ERC2: variants seen among roughly 807,000 people sequenced by gnomAD.
ERC2 encodes the protein ELKS/RAB6-interacting/CAST family member 2.
A neutral mutation model predicts 114.8 loss-of-function variants in ERC2; 42 were observed. The ratio of observed to expected loss-of-function variants is 0.37; its 90% confidence interval spans 0.29 to 0.47. The LOEUF (loss-of-function observed/expected upper bound fraction) is 0.47, where lower values mean the gene tolerates loss of function less well. ERC2 is among the 20% of genes least tolerant of loss of function. ERC2 has a pLI of 0.99. For missense variants in ERC2, 939 were observed against 1,150.7 expected, an observed-to-expected ratio of 0.82 and a Z score of 2.66; for synonymous variants, 454 against 425.5, an observed-to-expected ratio of 1.07 and a Z score of -0.82.
intron 14 of ERC2, among the ~76,000 whole-genome samples, chr3:55,741,616 T>G: frequency 6.6e-6 from 1 of 152,182 alleles, no homozygotes; most frequent in South Asian, 2.1e-4. Flanking sequence ...AAAGTACATA[T>G]ATGCCCATTC....
At chr3:55,933,101 C>T (rs985225416) in intron 13 of ERC2, among the ~76,000 whole-genome samples, 1 of 151,612 alleles carries the variant, frequency 6.6e-6, no homozygotes, top group Non-Finnish European at 1.5e-5. Flanking sequence ...CCCACCTACT[C>T]GAGAGGCTGA....
At chr3:56,081,154 T>G (rs1164571136) in intron 6 of ERC2, among the ~76,000 whole-genome samples, 170 bp from the exon 7 acceptor site, 3 of 151,912 alleles carry the variant, frequency 2.0e-5, no homozygotes, top group African/African-American at 7.2e-5. Context: ...TACATCCTTC[T>G]TAAAGCCCTA....
Position 56,434,517 on chromosome 3 carries a change from A to AG in ERC2, c.490dup (p.Leu164ProfsTer20). The AG allele has an allele frequency of 6.2e-7, 1 of 1,613,936 alleles. No homozygotes were observed. Among genetic ancestry groups the AG allele is most frequent in the Non-Finnish European group, 8.5e-7 (1 of 1,179,878 alleles). ...GTCCTTGATGTCTAGCTCTTTCCGG[A>AG]GGAGGTCATTCTCTCTCTGCAGTTC... On this transcript the variant is annotated frameshift_variant, in exon 2 of 18. Coordinates refer to ENST00000288221, the MANE Select transcript of ERC2 (RefSeq NM_015576.3). LOFTEE classifies it high-confidence loss of function.
At position 56,249,487 on chromosome 3, in the gene ERC2, A is replaced by T. The variant is rs922484353; in HGVS notation, c.1074+46532T>A. Among the ~76,000 whole-genome samples the T allele has an allele frequency of 2.6e-5, 4 of 151,468 alleles. No homozygotes were observed. In the South Asian group the frequency reaches 8.4e-4, roughly 32 times the overall value. On this transcript the variant is annotated intron_variant, in intron 3 of 17. Coordinates refer to ENST00000288221, the MANE Select transcript of ERC2 (RefSeq NM_015576.3). ...ACTACAGGCGCCCGCCACCACGCCC[A>T]GCTAATTTTTTTGTATTTTTAGTAG...
At chr3:55,684,585 GA>G (rs1278451669) in intron 16 of ERC2, among the ~76,000 whole-genome samples, 1 of 152,162 alleles carries the variant, frequency 6.6e-6, no homozygotes, top group Non-Finnish European at 1.5e-5. Context: ...CTTGTAGAAA[GA>G]AAGTTTTGCT....
chr3:55,550,048 C>T (rs145410067), intron 17 of ERC2, among the ~76,000 whole-genome samples: 43 of 152,240 alleles, frequency 2.8e-4, no homozygotes, highest in African/African-American at 9.6e-4. Flanking sequence ...TACTCTTTGA[C>T]AGGACTTCCC....
At chr3:56,186,829 G>T (rs758369015) in intron 3 of ERC2, among the ~76,000 whole-genome samples, 1 of 152,146 alleles carries the variant, frequency 6.6e-6, no homozygotes, top group South Asian at 2.1e-4. Context: ...ATAAGCCACC[G>T]CACCCGGCCA....
At chr3:56,128,155 C>G (rs1361741011) in intron 6 of ERC2, among the ~76,000 whole-genome samples, 1 of 152,162 alleles carries the variant, frequency 6.6e-6, no homozygotes, top group Non-Finnish European at 1.5e-5. Flanking sequence ...CTCTCCTATT[C>G]ATTAGGTACT....
chr3:55,917,870 G>A (rs1265384040), intron 13 of ERC2, among the ~76,000 whole-genome samples: 4 of 152,092 alleles, frequency 2.6e-5, no homozygotes, highest in African/African-American at 7.2e-5. Flanking sequence ...GGAGCTAGAT[G>A]ATTAATTCTC....
chr3:56,234,406 T>G (rs1369268021), intron 3 of ERC2, among the ~76,000 whole-genome samples: 1 of 152,222 alleles, frequency 6.6e-6, no homozygotes, highest in African/African-American at 2.4e-5. Flanking sequence ...ATTGGAGAGC[T>G]GGGAATTTAA....
intron 2 of ERC2, among the ~76,000 whole-genome samples, chr3:56,300,639 T>C (rs1193133478): frequency 6.6e-6 from 1 of 152,258 alleles, no homozygotes; most frequent in Non-Finnish European, 1.5e-5. Flanking sequence ...ATGCCATGCA[T>C]GGTCCTAAGG....
chr3:56,218,568 A>G (rs1482151676), intron 3 of ERC2, among the ~76,000 whole-genome samples: 15 of 152,234 alleles, frequency 9.9e-5, no homozygotes, highest in African/African-American at 2.7e-4. Context: ...CAACCATTGT[A>G]GAAGTCAGAG....
chr3:55,926,838 C>T (rs1225039114), intron 13 of ERC2, among the ~76,000 whole-genome samples: 1 of 152,118 alleles, frequency 6.6e-6, no homozygotes, highest in Non-Finnish European at 1.5e-5. Context: ...AGATGGGGGT[C>T]ATGTAATCTT....
At chr3:55,799,165 T>C (rs181854715) in intron 14 of ERC2, among the ~76,000 whole-genome samples, 17 of 152,002 alleles carry the variant, frequency 1.1e-4, no homozygotes, top group African/African-American at 3.9e-4. Flanking sequence ...GCAACCACCA[T>C]GGCTCAATGT....
chr3:56,017,808 G>A (rs760689689), intron 8 of ERC2, among the ~76,000 whole-genome samples: 2 of 152,110 alleles, frequency 1.3e-5, no homozygotes, highest in African/African-American at 2.4e-5. Context: ...ATTAGAGCCA[G>A]GATTTTCACC....
chr3:55,653,745 AG>A (rs2060742823), intron 17 of ERC2, among the ~76,000 whole-genome samples: 1 of 152,224 alleles, frequency 6.6e-6, no homozygotes, highest in Admixed American at 6.5e-5. Context: ...TAATTTAAAA[AG>A]TGATAAAAAT....
At chr3:55,809,374 G>A (rs1159106698) in intron 14 of ERC2, among the ~76,000 whole-genome samples, 1 of 152,016 alleles carries the variant, frequency 6.6e-6, no homozygotes, top group Non-Finnish European at 1.5e-5. Flanking sequence ...AAAAACAAAA[G>A]TAGACAAATG....
At chr3:56,412,306 TC>T (rs1225933187) in intron 2 of ERC2, among the ~76,000 whole-genome samples, 1 of 152,240 alleles carries the variant, frequency 6.6e-6, no homozygotes, top group African/African-American at 2.4e-5. Flanking sequence ...ACTTCTGGCC[TC>T]CACAAACTGT....
chr3:55,853,159 C>G (rs769102182), intron 14 of ERC2, among the ~76,000 whole-genome samples: 3 of 152,194 alleles, frequency 2.0e-5, no homozygotes, highest in Non-Finnish European at 4.4e-5. Flanking sequence ...CACCCTCGAC[C>G]GTCCAACCAT....
Sources: gnomAD v4.1 joint callset for allele counts (sites outside exome capture counted in the v4.1 genomes callset) on GRCh38, gnomAD v4.1.1 for gene constraint, MANE v1.5 for transcripts, NCBI Gene and HGNC (gene_info 2026-07-23, HGNC 2026-07-21) for gene names.